UBE3C: variants seen among roughly 807,000 people sequenced by gnomAD.
UBE3C encodes the protein ubiquitin protein ligase E3C.
A neutral mutation model predicts 129.4 loss-of-function variants in UBE3C; 42 were observed. The observed-to-expected ratio is 0.32, with a 90% CI of 0.25 to 0.42. The LOEUF is 0.42. Ranked by LOEUF, UBE3C falls within the 10% of genes least tolerant of loss-of-function variation. UBE3C has a pLI of 1.00. For missense variants in UBE3C, 1,049 were observed against 1,319.1 expected (o/e 0.80, Z 3.17); for synonymous variants, 510 against 492.4 (o/e 1.04, Z -0.47).
At chr7:157,144,910 G>A (rs1025454524) in intron 1 of UBE3C, among the ~76,000 whole-genome samples, 5 of 152,190 alleles carry the variant, frequency 3.3e-5, no homozygotes, top group African/African-American at 1.2e-4. Context: ...GTTGTGCATT[G>A]TGTAGGTTTT....
At chr7:157,244,645 C>T (rs2116671440) in intron 18 of UBE3C, among the ~76,000 whole-genome samples, 1 of 152,280 alleles carries the variant, frequency 6.6e-6, no homozygotes, top group Admixed American at 6.5e-5. Flanking sequence ...TGGCGGCAAA[C>T]AGAAATGGTC....
At chr7:157,162,857 A>G (rs1808108852) in intron 1 of UBE3C, among the ~76,000 whole-genome samples, 1 of 152,216 alleles carries the variant, frequency 6.6e-6, no homozygotes, top group South Asian at 2.1e-4. Context: ...TTACAAAAAT[A>G]AAATGTCCAT....
chr7:157,159,527 G>T (rs1374898451), intron 1 of UBE3C, among the ~76,000 whole-genome samples: 3 of 152,174 alleles, frequency 2.0e-5, no homozygotes, highest in Non-Finnish European at 2.9e-5. Context: ...TGGCATTTTG[G>T]TTAGGAATTC....
At chr7:157,184,166 C>T in intron 9 of UBE3C, 137 bp downstream of exon 9, 1 of 1,101,924 alleles carries the variant, frequency 9.1e-7, no homozygotes, top group East Asian at 2.5e-5. Flanking sequence ...CCGTCAGCCC[C>T]ACTACCACAG....
At position 157,170,462 on chromosome 7, in the gene UBE3C, C is replaced by T; in HGVS notation, c.342+12C>T. On this transcript the variant is annotated intron_variant, in intron 4 of 22. Coordinates refer to ENST00000348165, the MANE Select transcript of UBE3C (RefSeq NM_014671.3). Reference sequence around the variant, plus strand: ...ACTCAAAACGTTTGGTGAGTGTTAACTACATTTTCACTTGTCCTCGTTTAC... The same window carrying T: ...ACTCAAAACGTTTGGTGAGTGTTAATTACATTTTCACTTGTCCTCGTTTAC... 6.6e-7 allele frequency: 1 copy of T among 1,521,158 alleles called. No homozygotes were observed. The highest frequency in any genetic ancestry group is 1.3e-5 in the South Asian group (1 of 77,188). 94.2% of individuals were successfully genotyped at this position (1,521,158 alleles called of 1,614,324 possible). A position where few individuals can be genotyped will look rare whatever the true frequency, so the allele number is the denominator to read the frequency against.
intron 1 of UBE3C, among the ~76,000 whole-genome samples, chr7:157,156,333 G>C (rs992766122): frequency 4.1e-5 from 5 of 122,462 alleles, no homozygotes; most frequent in African/African-American, 1.6e-4. Flanking sequence ...TTGAGACAGA[G>C]TCCTGCTCTG....
chr7:157,267,458 T>G (rs1055053645), intron 22 of UBE3C, 127 bp from the exon 23 acceptor site: 12 of 1,185,322 alleles, frequency 1.0e-5, no homozygotes, highest in African/African-American at 1.6e-5. Context: ...CAAATGTGGT[T>G]TCGGGAAAAT....
chr7:157,265,611 A>G (rs563319384), intron 22 of UBE3C, among the ~76,000 whole-genome samples: 3 of 152,352 alleles, frequency 2.0e-5, no homozygotes, highest in East Asian at 1.9e-4. Context: ...GGAACACCAT[A>G]TAGCCTCACC....
rs112047917 is a variant in UBE3C, at chr7:157,266,444, G to A, written c.3082-1141G>A. Among the ~76,000 whole-genome samples the A allele has an allele frequency of 2.6e-3, 399 of 152,266 alleles. 1 individual carries two copies. Among genetic ancestry groups the A allele is most frequent in the Admixed American group, 5.6e-3 (86 of 15,294 alleles). Reference sequence around the variant, plus strand: ...TTGGCAATAACATCACATAGGTAATGTCGTATGCTTCCCATTCCCTTAATC... The same window carrying A: ...TTGGCAATAACATCACATAGGTAATATCGTATGCTTCCCATTCCCTTAATC... On this transcript the variant is annotated intron_variant, in intron 22 of 22. Coordinates refer to ENST00000348165, the MANE Select transcript of UBE3C (RefSeq NM_014671.3).
intron 18 of UBE3C, among the ~76,000 whole-genome samples, chr7:157,242,350 T>G (rs1796353646): frequency 1.3e-5 from 2 of 152,136 alleles, no homozygotes; most frequent in Non-Finnish European, 2.9e-5. Context: ...ATCGAAGGCA[T>G]CATTGTCCTC....
intron 21 of UBE3C, 149 bp downstream of exon 21, chr7:157,254,459 G>A (rs986592428): frequency 2.6e-5 from 9 of 344,030 alleles, no homozygotes; most frequent in Non-Finnish European, 3.6e-5. Context: ...GTGCAGTGGC[G>A]CGATCCCAGC....
At chr7:157,257,519 G>A (rs1190268578) in intron 22 of UBE3C, among the ~76,000 whole-genome samples, 4 of 151,936 alleles carry the variant, frequency 2.6e-5, no homozygotes, top group Non-Finnish European at 4.4e-5. Flanking sequence ...TGGATCATTT[G>A]AAGTCAGGAG....
At chr7:157,176,038 T>C (rs1808508369) in intron 5 of UBE3C, among the ~76,000 whole-genome samples, 1 of 152,226 alleles carries the variant, frequency 6.6e-6, no homozygotes, top group Admixed American at 6.5e-5. Flanking sequence ...GTTTGGCCTG[T>C]GGGTTGTAGT....
chr7:157,174,965 A>G lies in UBE3C; in HGVS notation c.389A>G (p.Lys130Arg), dbSNP rs748251254. The G allele has an allele frequency of 2.5e-6, 4 of 1,613,124 alleles. No individual in the cohort carries two copies. Among genetic ancestry groups the G allele is most frequent in the East Asian group, 2.2e-5 (1 of 44,802 alleles). ...ATTAAACACAGCTCTCTGTTTGTCA[A>G]GCAGTTGGATGGATCTGAGAGACTT... ...NLIKHSSLFV[K>R]QLDGSERLTC... is the part of the protein sequence containing the mutation. The change falls in exon 5 of 23, where the codon AAG becomes AGG. Residue 130 changes from lysine to arginine, a missense_variant. Lys to Arg is a conservative substitution (Grantham distance 26, BLOSUM62 2). Around this residue, in one of 4 missense-constraint regions of UBE3C, gnomAD observed 489 missense variants for 513.8 expected, o/e 0.95. Transcript: ENST00000348165.
chr7:157,198,329 A>C (rs1809180795), intron 10 of UBE3C: 1 of 802,026 alleles, frequency 1.2e-6, no homozygotes, highest in African/African-American at 1.7e-5. Context: ...TTTGCGCTTC[A>C]CTTCATCTTC....
intron 10 of UBE3C, chr7:157,197,904 C>T (rs1223131691): frequency 3.2e-5 from 52 of 1,602,644 alleles, no homozygotes; most frequent in Non-Finnish European, 4.2e-5. Context: ...GGAAGGTGTA[C>T]TGACTATTTC....
chr7:157,197,043 C>CA (rs1045810870), intron 10 of UBE3C, among the ~76,000 whole-genome samples: 12 of 152,136 alleles, frequency 7.9e-5, no homozygotes, highest in African/African-American at 2.9e-4. Flanking sequence ...AAATACAAGG[C>CA]AAAACTGTCG....
At chr7:157,192,863 TAAAAA>T (rs35549618) in intron 10 of UBE3C, 2 of 747,584 alleles carry the variant, frequency 2.7e-6, no homozygotes, top group Non-Finnish European at 4.4e-6. Flanking sequence ...GACATGAACT[TAAAAA>T]AAAAAAAAAG....
intron 1 of UBE3C, among the ~76,000 whole-genome samples, chr7:157,142,144 A>G (rs1807471310): frequency 6.8e-6 from 1 of 147,364 alleles, no homozygotes. Context: ...TTGAGCACCT[A>G]CATATGCTTG....
Sources: allele counts gnomAD v4.1 joint callset (sites outside exome capture counted in the v4.1 genomes callset), GRCh38; gene constraint gnomAD v4.1.1; regional missense constraint gnomAD v4.1.1; transcripts MANE v1.5; gene names NCBI Gene and HGNC (gene_info 2026-07-23, HGNC 2026-07-21).